The following SAE1 variants were observed in gnomAD, a reference collection of about 807,000 sequenced individuals.
SAE1 encodes SUMO-activating enzyme subunit 1.
SAE1 carries 11 observed loss-of-function variants against 40.6 expected under a neutral mutation model. The observed-to-expected ratio is 0.27, with a 90% CI of 0.17 to 0.45. The LOEUF (loss-of-function observed/expected upper bound fraction) is 0.45, where lower values mean the gene tolerates loss of function less well. SAE1 is among the 20% of genes least tolerant of loss of function. The pLI is 1.00. For missense variants in SAE1, 373 were observed against 427.3 expected, an observed-to-expected ratio of 0.87 and a Z score of 1.12; for synonymous variants, 155 against 154.3, an observed-to-expected ratio of 1.00 and a Z score of -0.03.
chr19:47,150,722 C>A (rs910072149), intron 3 of SAE1, among the ~76,000 whole-genome samples: 1 of 152,172 alleles, frequency 6.6e-6, no homozygotes, highest in African/African-American at 2.4e-5. Context: ...ATGTTTTCTT[C>A]CGAAAACTTA....
At chr19:47,198,466 C>G (rs1296981897) in intron 7 of SAE1, among the ~76,000 whole-genome samples, 1 of 152,116 alleles carries the variant, frequency 6.6e-6, no homozygotes, top group Non-Finnish European at 1.5e-5. Context: ...AATTCCCTTT[C>G]CATGTCTTGA....
At chr19:47,182,496 T>TGTGTGTGCGTGCGCGCGC (rs143321323) in intron 6 of SAE1, among the ~76,000 whole-genome samples, 2 of 145,938 alleles carry the variant, frequency 1.4e-5, no homozygotes, top group South Asian at 4.4e-4. Flanking sequence ...TGTGTGTGTG[T>TGTGTGTGCGTGCGCGCGC]GCGCGCACGC....
chr19:47,163,340 T>C (rs1245854784), intron 5 of SAE1, among the ~76,000 whole-genome samples: 1 of 152,122 alleles, frequency 6.6e-6, no homozygotes, highest in Non-Finnish European at 1.5e-5. Flanking sequence ...ATGTACAGAC[T>C]TTTTTTCTTG....
chr19:47,194,522 C>T (rs1045082022), intron 6 of SAE1, among the ~76,000 whole-genome samples: 1 of 152,162 alleles, frequency 6.6e-6, no homozygotes, highest in African/African-American at 2.4e-5. Context: ...AGGTGTAAAG[C>T]ACTCAGGGCT....
In SAE1 at chr19:47,209,064, A is replaced by G. The variant is rs1488219211; in HGVS notation, c.949-95A>G. The G allele has an allele frequency of 3.2e-6, 4 of 1,253,674 alleles. No individual in the cohort carries two copies. The East Asian group carries it at 9.5e-5, about 30-fold the overall frequency. 77.7% of individuals were successfully genotyped at this position (1,253,674 alleles called of 1,614,324 possible). On this transcript the variant is annotated intron_variant, in intron 8 of 8. Transcript: ENST00000270225. The stretch of plus-strand genomic sequence containing the variant: ...TTTGGGAGCAAAATCGACCCCAGTT[A>G]AGAACCACTGCCCTAGACTGCTTTT...
At chr19:47,195,976 C>A (rs1306896012) in intron 6 of SAE1, among the ~76,000 whole-genome samples, 1 of 151,128 alleles carries the variant, frequency 6.6e-6, no homozygotes, top group Non-Finnish European at 1.5e-5. Context: ...TCAAGCGATC[C>A]TCACGCCTTG....
At chr19:47,196,147 G>A (rs1240912691) in intron 6 of SAE1, among the ~76,000 whole-genome samples, 1 of 149,980 alleles carries the variant, frequency 6.7e-6, no homozygotes, top group East Asian at 2.0e-4. Flanking sequence ...CTGGGTTCAA[G>A]CGATTCTCCT....
chr19:47,140,309 T>C (rs1423174802), intron 1 of SAE1, among the ~76,000 whole-genome samples: 1 of 151,950 alleles, frequency 6.6e-6, no homozygotes, highest in African/African-American at 2.4e-5. Flanking sequence ...GGTTTCACCT[T>C]GTTAGCCAGG....
chr19:47,141,725 A>G (rs1365522440), intron 1 of SAE1, among the ~76,000 whole-genome samples: 1 of 152,166 alleles, frequency 6.6e-6, no homozygotes, highest in Non-Finnish European at 1.5e-5. Context: ...ATTTTATTTA[A>G]TTTTTAATTA....
intron 1 of SAE1, among the ~76,000 whole-genome samples, chr19:47,134,456 C>T (rs191898371): frequency 6.6e-6 from 1 of 152,086 alleles, no homozygotes; most frequent in Admixed American, 6.6e-5. Context: ...GGGTTGAAGG[C>T]ACCTGGAATA....
chr19:47,200,399 A>ATTTTTTTTT (rs35657499), intron 7 of SAE1, among the ~76,000 whole-genome samples: 21 of 102,544 alleles, frequency 2.0e-4, no homozygotes, highest in Middle Eastern at 6.3e-3. Context: ...AGCCTGCCTA[A>ATTTTTTTTT]TTTTTTTTTT....
At chr19:47,189,876 A>G (rs1039380441) in intron 6 of SAE1, among the ~76,000 whole-genome samples, 4 of 152,240 alleles carry the variant, frequency 2.6e-5, no homozygotes, top group African/African-American at 9.6e-5. Flanking sequence ...TGTAACAAAC[A>G]GTGATTAATA....
chr19:47,152,751 C>A, intron 3 of SAE1, 147 bp from the exon 4 acceptor site: 1 of 653,392 alleles, frequency 1.5e-6, no homozygotes, highest in Non-Finnish European at 2.5e-6. Context: ...TGTCTTCTAG[C>A]CATAGGGCCC....
chr19:47,165,147 G>C (rs530952742), intron 5 of SAE1, among the ~76,000 whole-genome samples: 6 of 120,348 alleles, frequency 5.0e-5, no homozygotes, highest in African/African-American at 1.6e-4. Flanking sequence ...ACAGTGGTTT[G>C]ATTGTGATCT....
intron 6 of SAE1, among the ~76,000 whole-genome samples, chr19:47,197,022 T>G (rs1042146180): frequency 2.0e-5 from 3 of 151,726 alleles, no homozygotes; most frequent in African/African-American, 7.3e-5. Flanking sequence ...CTCTACTAAA[T>G]ATACAAAAAT....
intron 6 of SAE1, among the ~76,000 whole-genome samples, chr19:47,177,812 G>A (rs2058479448): frequency 6.6e-6 from 1 of 152,212 alleles, no homozygotes. Context: ...GTATTTCTCG[G>A]AACAGGTATT....
intron 6 of SAE1, among the ~76,000 whole-genome samples, chr19:47,192,726 G>C (rs2058587057): frequency 6.6e-6 from 1 of 151,950 alleles, no homozygotes; most frequent in South Asian, 2.1e-4. Flanking sequence ...TTTTAGTAGA[G>C]ATGGGGTTTC....
intron 1 of SAE1, among the ~76,000 whole-genome samples, chr19:47,139,395 AGGCT>A (rs1263739404): frequency 1.3e-5 from 2 of 151,842 alleles, no homozygotes; most frequent in African/African-American, 4.8e-5. Context: ...TTTGTTGCCC[AGGCT>A]GGTTTCGAAC....
intron 1 of SAE1, among the ~76,000 whole-genome samples, chr19:47,137,527 T>A (rs2058188211): frequency 6.6e-6 from 1 of 152,192 alleles, no homozygotes; most frequent in Non-Finnish European, 1.5e-5. Flanking sequence ...CTCGCTCTGT[T>A]ACCCAGGCTG....
Sources: gnomAD v4.1 joint callset for allele counts (sites outside exome capture counted in the v4.1 genomes callset) on GRCh38, gnomAD v4.1.1 for gene constraint, MANE v1.5 for transcripts, NCBI Gene and HGNC (gene_info 2026-07-23, HGNC 2026-07-21) for gene names.